The following MAPK4 variants were observed in gnomAD, a reference collection of about 807,000 sequenced individuals.
MAPK4 encodes Erk3-related.
In MAPK4, 22 loss-of-function variants were observed where a neutral mutation model predicts 47.7. That is an observed-to-expected ratio of 0.46 (90% CI 0.33 to 0.66). The LOEUF is 0.66. Ranked by LOEUF, MAPK4 falls within the 30% of genes least tolerant of loss-of-function variation. The pLI, the probability that MAPK4 is intolerant of heterozygous loss-of-function variation, is 0.02. For synonymous variants in MAPK4, 390 were observed against 365.7 expected (o/e 1.07, Z -0.76); for missense variants, 736 against 831.7 (o/e 0.88, Z 1.42).
At chr18:50,626,715 G>A (rs1232862042) in intron 1 of MAPK4, among the ~76,000 whole-genome samples, 1 of 152,126 alleles carries the variant, frequency 6.6e-6, no homozygotes, top group Non-Finnish European at 1.5e-5. Context: ...GAAGTCACAA[G>A]GTGTCTCCAG....
intron 1 of MAPK4, among the ~76,000 whole-genome samples, chr18:50,619,982 T>TC (rs1272640918): frequency 6.6e-6 from 1 of 152,148 alleles, no homozygotes; most frequent in Non-Finnish European, 1.5e-5. Flanking sequence ...GGATATTGGC[T>TC]CCCCCAAGGA....
chr18:50,643,833 C>G (rs1333243032), intron 1 of MAPK4, among the ~76,000 whole-genome samples: 1 of 152,182 alleles, frequency 6.6e-6, no homozygotes, highest in African/African-American at 2.4e-5. Flanking sequence ...CCACGGCTGC[C>G]CCCTGCACCT....
Position 50,683,662 on chromosome 18 carries a change from C to T in MAPK4, c.546+19158C>T, listed in dbSNP as rs117502609. On this transcript the variant is annotated intron_variant, in intron 2 of 5. Transcript: ENST00000400384. The stretch of plus-strand genomic sequence containing the variant: ...AAACACAAGACTCTAGACAAGGTTC[C>T]TGCCTTCGTGGAGTTTATATTTAAG... 2.7e-3 allele frequency among the ~76,000 whole-genome samples: 408 copies of T among 152,264 alleles called. 12 individuals carry two copies. The East Asian group carries it at 0.035, about 13-fold the overall frequency.
intron 2 of MAPK4, among the ~76,000 whole-genome samples, chr18:50,679,690 C>G (rs1908473879): frequency 6.6e-6 from 1 of 152,204 alleles, no homozygotes. Flanking sequence ...GAGAACTTTC[C>G]TGGTACCCTC....
chr18:50,619,865 G>A (rs964079069), intron 1 of MAPK4, among the ~76,000 whole-genome samples: 3 of 152,200 alleles, frequency 2.0e-5, no homozygotes, highest in South Asian at 2.1e-4. Context: ...TTCTCTCTGC[G>A]GTGCTAGTGA....
intron 2 of MAPK4, among the ~76,000 whole-genome samples, chr18:50,695,480 C>G (rs982802653): frequency 2.0e-5 from 3 of 152,092 alleles, no homozygotes; most frequent in African/African-American, 7.2e-5. Flanking sequence ...CCTTTCTAGC[C>G]CTGTTTTCCC....
intron 1 of MAPK4, among the ~76,000 whole-genome samples, chr18:50,661,112 A>G (rs373605725): frequency 9.2e-5 from 14 of 152,204 alleles, no homozygotes; most frequent in African/African-American, 2.9e-4. Context: ...AACCCAGCAG[A>G]AGCTGGAAAG....
At chr18:50,598,778 T>C (rs1335990497) in intron 1 of MAPK4, among the ~76,000 whole-genome samples, 1 of 152,224 alleles carries the variant, frequency 6.6e-6, no homozygotes, top group Non-Finnish European at 1.5e-5. Context: ...CCCTTGTTTT[T>C]TCATGACTTT....
intron 4 of MAPK4, among the ~76,000 whole-genome samples, chr18:50,724,979 C>A (rs1911116443): frequency 6.6e-6 from 1 of 152,128 alleles, no homozygotes; most frequent in South Asian, 2.1e-4. Flanking sequence ...CAGGGCAGAG[C>A]TCCAAGAGCA....
At chr18:50,707,536 A>C (rs1910125266) in intron 2 of MAPK4, among the ~76,000 whole-genome samples, 1 of 141,448 alleles carries the variant, frequency 7.1e-6, no homozygotes. Flanking sequence ...GTGCCACTGC[A>C]CTCCAGCCTG....
intron 1 of MAPK4, among the ~76,000 whole-genome samples, chr18:50,632,865 C>T (rs1173063516): frequency 2.0e-5 from 3 of 152,294 alleles, no homozygotes; most frequent in Non-Finnish European, 4.4e-5. Flanking sequence ...GGTGATCCAC[C>T]TGCCTTGGCC....
At chr18:50,638,017 G>A (rs563782778) in intron 1 of MAPK4, among the ~76,000 whole-genome samples, 3 of 152,288 alleles carry the variant, frequency 2.0e-5, no homozygotes, top group African/African-American at 7.2e-5. Context: ...CTAACAAGTG[G>A]GTTTTGTGCA....
At chr18:50,689,907 A>T (rs1464908992) in intron 2 of MAPK4, among the ~76,000 whole-genome samples, 1 of 152,232 alleles carries the variant, frequency 6.6e-6, no homozygotes, top group Admixed American at 6.5e-5. Context: ...CTTTAGGAAG[A>T]TTGAGCTAGT....
intron 4 of MAPK4, among the ~76,000 whole-genome samples, chr18:50,724,710 C>T (rs899727310): frequency 6.6e-6 from 1 of 152,220 alleles, no homozygotes; most frequent in Admixed American, 6.5e-5. Context: ...CTGAATCCAT[C>T]GATTTCCTCA....
rs1042753382 is a variant in MAPK4, at chr18:50,663,987, G to C, written c.29G>C (p.Ser10Thr). ...GCTGAGAAGGGTGACTGCATCGCCA[G>C]TGTCTATGGGTATGACCTCGGTGGG... MAEKGDCIASVYGYDLGGRF... is the reference protein window; with the variant it reads MAEKGDCIATVYGYDLGGRF... The change falls in exon 2 of 6, where the codon AGT becomes ACT. Residue 10 changes from serine (S) to threonine (T), a missense_variant. This residue lies in a region of MAPK4 where 327 missense variants were observed against 395.4 expected (regional missense o/e 0.83). Transcript: ENST00000400384. 5.6e-6 allele frequency: 9 copies of C among 1,613,512 alleles called. No individual in the cohort carries two copies. The highest frequency in any genetic ancestry group is 7.6e-6 in the Non-Finnish European group (9 of 1,179,742).
At chr18:50,620,734 A>C (rs1016881215) in intron 1 of MAPK4, among the ~76,000 whole-genome samples, 1 of 152,004 alleles carries the variant, frequency 6.6e-6, no homozygotes, top group South Asian at 2.1e-4. Flanking sequence ...GTGAGACTCT[A>C]TCTCTATAAA....
intron 2 of MAPK4, among the ~76,000 whole-genome samples, chr18:50,699,594 T>C (rs533850015): frequency 6.6e-6 from 1 of 152,356 alleles, no homozygotes; most frequent in Admixed American, 6.5e-5. Flanking sequence ...AAATGATATT[T>C]GGCAATTTGT....
intron 2 of MAPK4, among the ~76,000 whole-genome samples, chr18:50,692,853 C>G (rs1006809921): frequency 3.3e-5 from 5 of 152,156 alleles, no homozygotes; most frequent in Admixed American, 1.3e-4. Flanking sequence ...TGACTGGCTT[C>G]CCAGTAGAGT....
chr18:50,691,517 G>A lies in MAPK4; in HGVS notation c.547-23562G>A, dbSNP rs556211703. 1.1e-4 allele frequency among the ~76,000 whole-genome samples: 17 copies of A among 152,270 alleles called. No homozygotes were observed. In the South Asian group the frequency reaches 1.9e-3, roughly 17 times the overall value. On this transcript the variant is annotated intron_variant, in intron 2 of 5. Transcript: ENST00000400384. ...GAAAACGTAAAGATCATGAAGACCC[G>A]TGCCATTCAACTTAACAAATCCTGA...
Sources: gnomAD v4.1 joint callset for allele counts (sites outside exome capture counted in the v4.1 genomes callset) on GRCh38, gnomAD v4.1.1 for gene constraint, gnomAD v4.1.1 regional missense constraint, MANE v1.5 for transcripts, NCBI Gene and HGNC (gene_info 2026-07-23, HGNC 2026-07-21) for gene names.